RASGRF2: variants seen among roughly 807,000 people sequenced by gnomAD.
The protein encoded by RASGRF2 is ras-specific guanine nucleotide-releasing factor 2.
RASGRF2 carries 76 observed loss-of-function variants against 151.0 expected under a neutral mutation model. The observed-to-expected ratio is 0.50, with a 90% CI of 0.42 to 0.61. RASGRF2 has a LOEUF of 0.61. Ranked by LOEUF, RASGRF2 falls within the 20% of genes least tolerant of loss-of-function variation. The pLI, the probability that RASGRF2 is intolerant of heterozygous loss-of-function variation, is 0.00. For missense variants in RASGRF2, 1,148 were observed against 1,564.6 expected (o/e 0.73, Z 4.49); for synonymous variants, 504 against 566.5 (o/e 0.89, Z 1.57).
Position 81,197,457 on chromosome 5 carries a change from C to T in RASGRF2, c.2794-3873C>T, listed in dbSNP as rs1294948377. On this transcript the variant is annotated intron_variant, in intron 18 of 26. Coordinates refer to ENST00000265080, the MANE Select transcript of RASGRF2 (RefSeq NM_006909.3). Reference sequence around the variant, plus strand: ...CGGCCTGGGCGACAGAGCGAGACTCCGTCTCAAAAAAAAAAAAAAAAAAAA... The same window carrying T: ...CGGCCTGGGCGACAGAGCGAGACTCTGTCTCAAAAAAAAAAAAAAAAAAAA... Among the ~76,000 whole-genome samples, 29 of 71,936 alleles carry T rather than the reference C, an allele frequency of 4.0e-4. 1 individual carries two copies. The highest frequency in any genetic ancestry group is 2.0e-3 in the South Asian group (3 of 1,464). 47.2% of individuals were successfully genotyped at this position (71,936 alleles called of 152,430 possible).
intron 2 of RASGRF2, among the ~76,000 whole-genome samples, chr5:81,054,089 G>A (rs191650548): frequency 6.6e-6 from 1 of 152,304 alleles, no homozygotes; most frequent in African/African-American, 2.4e-5. Flanking sequence ...TGTTCACTCT[G>A]ATGGTAGTTT....
At chr5:81,177,576 T>A (rs1754804449) in intron 17 of RASGRF2, among the ~76,000 whole-genome samples, 1 of 151,308 alleles carries the variant, frequency 6.6e-6, no homozygotes, top group Non-Finnish European at 1.5e-5. Flanking sequence ...TTCTGCTATG[T>A]GCCAGACAGG....
At chr5:81,081,767 C>A in intron 7 of RASGRF2, among the ~76,000 whole-genome samples, 1 of 152,200 alleles carries the variant, frequency 6.6e-6, no homozygotes, top group East Asian at 1.9e-4. Flanking sequence ...TTTGTCAGTC[C>A]TGCTCGAAAT....
chr5:81,155,047 T>C (rs1389269029), intron 17 of RASGRF2, among the ~76,000 whole-genome samples: 2 of 152,154 alleles, frequency 1.3e-5, no homozygotes, highest in African/African-American at 4.8e-5. Context: ...ATATTGAGCA[T>C]TTTTTTCACC....
intron 10 of RASGRF2, 49 bp downstream of exon 10, chr5:81,093,010 T>C (rs747980635): frequency 5.3e-5 from 80 of 1,495,976 alleles, no homozygotes; most frequent in Admixed American, 1.9e-4. Flanking sequence ...CACTTACAAG[T>C]TATTGAAGTT....
At chr5:80,970,820 G>A (rs76578068) in intron 1 of RASGRF2, among the ~76,000 whole-genome samples, 7,207 of 152,252 alleles carry the variant, frequency 0.047, 241 homozygotes, top group Middle Eastern at 0.1. Flanking sequence ...AACACATCTA[G>A]TGCATTCATC....
intron 25 of RASGRF2, among the ~76,000 whole-genome samples, chr5:81,219,265 G>C (rs1755808360): frequency 6.6e-6 from 1 of 152,018 alleles, no homozygotes; most frequent in African/African-American, 2.4e-5. Context: ...TATTAGTAGA[G>C]ACAGGGTTTC....
At chr5:81,046,399 G>A (rs1461317697) in intron 2 of RASGRF2, among the ~76,000 whole-genome samples, 1 of 151,886 alleles carries the variant, frequency 6.6e-6, no homozygotes. Context: ...AAAAAAAATC[G>A]TTTTGGAATT....
At chr5:81,123,463 A>G (rs1333040181) in intron 15 of RASGRF2, among the ~76,000 whole-genome samples, 179 bp from the exon 16 acceptor site, 1 of 152,204 alleles carries the variant, frequency 6.6e-6, no homozygotes, top group African/African-American at 2.4e-5. Flanking sequence ...TCATCAAGAC[A>G]GGGTTAGAGA....
chr5:81,176,517 C>T (rs1013461650), intron 17 of RASGRF2, among the ~76,000 whole-genome samples: 18 of 151,672 alleles, frequency 1.2e-4, no homozygotes, highest in South Asian at 4.2e-4. Flanking sequence ...AAATTCTTGG[C>T]GGTGATGATG....
chr5:81,057,210 A>G (rs1036917590), intron 2 of RASGRF2, among the ~76,000 whole-genome samples: 17 of 152,110 alleles, frequency 1.1e-4, no homozygotes, highest in Non-Finnish European at 1.5e-4. Flanking sequence ...TAGTTGATGC[A>G]GTTTCTTCCT....
At chr5:81,162,782 A>G (rs1754417057) in intron 17 of RASGRF2, among the ~76,000 whole-genome samples, 1 of 152,232 alleles carries the variant, frequency 6.6e-6, no homozygotes, top group Admixed American at 6.5e-5. Flanking sequence ...ATTCCTGAGC[A>G]CTGGGTGTTT....
chr5:81,052,564 G>C (rs1751046731), intron 2 of RASGRF2, among the ~76,000 whole-genome samples: 1 of 152,188 alleles, frequency 6.6e-6, no homozygotes, highest in Non-Finnish European at 1.5e-5. Flanking sequence ...GGAGGGAAGA[G>C]TCTGTCAGTA....
intron 22 of RASGRF2, among the ~76,000 whole-genome samples, chr5:81,210,383 CTT>C (rs1387734132): frequency 6.6e-6 from 1 of 152,224 alleles, no homozygotes; most frequent in African/African-American, 2.4e-5. Context: ...CAGCTTAACT[CTT>C]TCTCTGGGCA....
chr5:81,078,203 G>A (rs1751991831), intron 5 of RASGRF2, among the ~76,000 whole-genome samples: 2 of 152,200 alleles, frequency 1.3e-5, no homozygotes, highest in Non-Finnish European at 2.9e-5. Flanking sequence ...ATCAAATGTG[G>A]GTAATTGAGA....
intron 7 of RASGRF2, among the ~76,000 whole-genome samples, chr5:81,084,243 GTTTGC>G (rs1752164763): frequency 6.6e-6 from 1 of 152,142 alleles, no homozygotes; most frequent in African/African-American, 2.4e-5. Flanking sequence ...CACCTGTCCT[GTTTGC>G]TATGAAAAAT....
intron 2 of RASGRF2, among the ~76,000 whole-genome samples, chr5:81,060,198 G>GATTA: frequency 6.6e-6 from 1 of 152,318 alleles, no homozygotes. Context: ...CAACACTGGA[G>GATTA]ATTACATCTC....
chr5:81,120,488 C>A (rs548869471), intron 15 of RASGRF2, among the ~76,000 whole-genome samples: 1 of 152,110 alleles, frequency 6.6e-6, no homozygotes, highest in Non-Finnish European at 1.5e-5. Context: ...GAGGCTGAAG[C>A]GGGAGGATCA....
At chr5:81,170,629 C>T (rs772015779) in intron 17 of RASGRF2, among the ~76,000 whole-genome samples, 22 of 152,174 alleles carry the variant, frequency 1.4e-4, no homozygotes, top group Admixed American at 2.6e-4. Flanking sequence ...TCATTCATGT[C>T]CCAACTCCTG....
Sources: gnomAD v4.1 joint callset for allele counts (sites outside exome capture counted in the v4.1 genomes callset) on GRCh38, gnomAD v4.1.1 for gene constraint, MANE v1.5 for transcripts, NCBI Gene and HGNC (gene_info 2026-07-23, HGNC 2026-07-21) for gene names.